Variants in ADGRD1 observed in about 807,000 individuals in gnomAD.
The protein encoded by ADGRD1 is G-protein coupled receptor 133.
In ADGRD1, 77 loss-of-function variants were observed where a neutral mutation model predicts 113.4. The observed-to-expected ratio is 0.68, with a 90% CI of 0.57 to 0.82. ADGRD1 has a LOEUF of 0.82. Among genes scored for constraint, ADGRD1 ranks in the 40% least tolerant of loss-of-function variants. The probability of loss-of-function intolerance (pLI) is 0.00; values close to 1 mark genes in which losing one functional copy is unlikely to be tolerated. For synonymous variants in ADGRD1, 474 were observed against 475.0 expected, an observed-to-expected ratio of 1.00 and a Z score of 0.03; for missense variants, 1,036 against 1,139.1, an observed-to-expected ratio of 0.91 and a Z score of 1.30.
chr12:130,974,769 G>A (rs899793217), intron 4 of ADGRD1, among the ~76,000 whole-genome samples: 9 of 152,164 alleles, frequency 5.9e-5, no homozygotes, highest in East Asian at 1.9e-4. Context: ...GCTGTCCCCC[G>A]AGGGTGCCCA....
chr12:131,001,077 A>G (rs546939110), intron 9 of ADGRD1, among the ~76,000 whole-genome samples: 47 of 152,288 alleles, frequency 3.1e-4, no homozygotes, highest in African/African-American at 1.1e-3. Context: ...ATTTCATGTA[A>G]TATGTATTTT....
rs111694385 is a variant in ADGRD1 at position 131,129,056 on chromosome 12, G to A, written c.2176-2669G>A. On this transcript the variant is annotated intron_variant, in intron 20 of 24. Coordinates refer to ENST00000261654, the MANE Select transcript of ADGRD1 (RefSeq NM_198827.5). ...TGCTGTCTGGTGTGAGTGACAGGCC[G>A]GCCCTGCTGTCTGGGTGTGAGTGAC... is the stretch of plus-strand genomic sequence containing the variant. Among the ~76,000 whole-genome samples the A allele has an allele frequency of 3.2e-4, 21 of 65,472 alleles. 2 individuals carry two copies. Among genetic ancestry groups the A allele is most frequent in the African/African-American group, 1.4e-3 (18 of 12,480 alleles). The allele number at this position is 65,472 out of a possible 152,430, so 43.0% of individuals were successfully genotyped here. A position where few individuals can be genotyped will look rare whatever the true frequency, so the allele number is the denominator to read the frequency against.
intron 4 of ADGRD1, among the ~76,000 whole-genome samples, chr12:130,979,220 G>A (rs758197205): frequency 6.6e-5 from 10 of 152,190 alleles, no homozygotes; most frequent in Non-Finnish European, 1.2e-4. Flanking sequence ...GACAGATGCC[G>A]CAGGGCTTGG....
At chr12:131,085,021 G>GCT (rs920162420) in intron 15 of ADGRD1, among the ~76,000 whole-genome samples, 10 of 152,240 alleles carry the variant, frequency 6.6e-5, no homozygotes, top group Non-Finnish European at 1.5e-4. Flanking sequence ...GGCGCTGGGG[G>GCT]CTCCGCTGTA....
chr12:131,102,432 TCTG>T (rs1211557726), intron 15 of ADGRD1, among the ~76,000 whole-genome samples: 2 of 152,178 alleles, frequency 1.3e-5, no homozygotes, highest in Non-Finnish European at 1.5e-5. Context: ...CAAGGCCCCT[TCTG>T]CTGGCAGAAG....
chr12:131,046,865 G>GC (rs1566062767), intron 13 of ADGRD1, among the ~76,000 whole-genome samples: 121 of 141,414 alleles, frequency 8.6e-4, no homozygotes, highest in Middle Eastern at 5.0e-3. Flanking sequence ...CCTGGTCAGT[G>GC]TCCTCCCTGG....
intron 13 of ADGRD1, among the ~76,000 whole-genome samples, chr12:131,019,349 G>A (rs1187535879): frequency 6.6e-6 from 1 of 152,200 alleles, no homozygotes; most frequent in African/African-American, 2.4e-5. Context: ...TTCCACTGAG[G>A]CTCTGGACAG....
intron 13 of ADGRD1, among the ~76,000 whole-genome samples, chr12:131,039,278 C>T (rs1441059592): frequency 1.3e-5 from 2 of 152,230 alleles, no homozygotes; most frequent in South Asian, 2.1e-4. Flanking sequence ...GCCCTGTGCT[C>T]CTGGCCCCTG....
At chr12:131,105,647 G>A in intron 16 of ADGRD1, 107 bp from the exon 17 acceptor site, 1 of 762,508 alleles carries the variant, frequency 1.3e-6, no homozygotes, top group Non-Finnish European at 2.2e-6. Flanking sequence ...AACCCCTCTG[G>A]CTGCTCTTGG....
chr12:131,106,630 C>T (rs185643627), intron 17 of ADGRD1, among the ~76,000 whole-genome samples: 94 of 152,330 alleles, frequency 6.2e-4, no homozygotes, highest in African/African-American at 2.0e-3. Flanking sequence ...AGAAGATGAA[C>T]GCTTTATCCC....
Position 131,113,892 on chromosome 12 carries a change from G to A in ADGRD1, c.2042-4493G>A, listed in dbSNP as rs1950402608. ...TTCTGATGATATCTGACCTCATCAG[G>A]GAGGATTTAGAGGCTGACTGATGGC... is the stretch of plus-strand genomic sequence containing the variant. On this transcript the variant is annotated intron_variant, in intron 18 of 24. Transcript: ENST00000261654. The surrounding 1 kb of genome is among the most constrained non-coding windows in gnomAD (Gnocchi z 4.9). Among the ~76,000 whole-genome samples the A allele has an allele frequency of 6.6e-6, 1 of 152,204 alleles. No individual in the cohort carries two copies.
At chr12:130,999,364 G>C (rs1876039627) in intron 8 of ADGRD1, among the ~76,000 whole-genome samples, 1 of 152,238 alleles carries the variant, frequency 6.6e-6, no homozygotes, top group Non-Finnish European at 1.5e-5. Flanking sequence ...TGCTGCCCCT[G>C]CTCCGGCTCA....
At chr12:131,032,083 G>C (rs1206018048) in intron 13 of ADGRD1, among the ~76,000 whole-genome samples, 1 of 152,170 alleles carries the variant, frequency 6.6e-6, no homozygotes, top group East Asian at 1.9e-4. Context: ...GCAGCCCTTA[G>C]CCCTGAGACA....
chr12:131,030,546 C>T (rs1017279912), intron 13 of ADGRD1: 1 of 152,408 alleles, frequency 6.6e-6, no homozygotes, highest in Non-Finnish European at 1.5e-5. Context: ...GTGGCAGACA[C>T]AGGGTCAGAC....
At chr12:131,025,026 C>T (rs1249454495) in intron 13 of ADGRD1, among the ~76,000 whole-genome samples, 1 of 152,174 alleles carries the variant, frequency 6.6e-6, no homozygotes, top group Admixed American at 6.5e-5. Context: ...GGCTTGATGC[C>T]GTGGATGGAA....
At chr12:131,130,679 G>A (rs1593268213) in intron 20 of ADGRD1, among the ~76,000 whole-genome samples, 1 of 152,232 alleles carries the variant, frequency 6.6e-6, no homozygotes, top group Non-Finnish European at 1.5e-5. Context: ...GCACCTAGGC[G>A]AGGGGTGCAG....
chr12:131,099,891 C>CT (rs1369991077), intron 15 of ADGRD1, among the ~76,000 whole-genome samples: 6 of 152,100 alleles, frequency 3.9e-5, no homozygotes, highest in African/African-American at 1.4e-4. Flanking sequence ...ATGATGCTGG[C>CT]TTTGGGTGGG....
chr12:131,046,195 T>C (rs1882714710), intron 13 of ADGRD1, among the ~76,000 whole-genome samples: 1 of 129,726 alleles, frequency 7.7e-6, no homozygotes, highest in Non-Finnish European at 1.7e-5. Context: ...CCCTCCCTGG[T>C]CAGTGCTCCC....
In ADGRD1 at chr12:131,113,255, TG is replaced by T. The variant is rs1239735035; in HGVS notation, c.2041+4379del. On this transcript the variant is annotated intron_variant, in intron 18 of 24. Transcript: ENST00000261654. The surrounding 1 kb of genome is among the most constrained non-coding windows in gnomAD (Gnocchi z 4.9). ...AATGTACAGAGACTTTAAATGATTA[TG>T]TTTTTTAAAACTTTTTTTTTTCAGT... Among the ~76,000 whole-genome samples the T allele has an allele frequency of 6.7e-6, 1 of 149,024 alleles. No homozygotes were observed. Among genetic ancestry groups the T allele is most frequent in the Non-Finnish European group, 1.5e-5 (1 of 67,650 alleles).
Sources: allele counts gnomAD v4.1 joint callset (sites outside exome capture counted in the v4.1 genomes callset), GRCh38; gene constraint gnomAD v4.1.1; non-coding constraint Gnocchi (gnomAD v3.1); transcripts MANE v1.5; gene names NCBI Gene and HGNC (gene_info 2026-07-23, HGNC 2026-07-21).